SLC39A11: variants seen among roughly 807,000 people sequenced by gnomAD.
SLC39A11 encodes the protein zinc transporter ZIP11.
SLC39A11 carries 33 observed loss-of-function variants against 36.1 expected under a neutral mutation model. That is an observed-to-expected ratio of 0.91 (90% confidence interval 0.69 to 1.22). The LOEUF (loss-of-function observed/expected upper bound fraction) is 1.22. SLC39A11 is among the 50% of genes most tolerant of loss of function. The pLI is 0.00. For missense variants in SLC39A11, 432 were observed against 430.3 expected (o/e 1.00, Z -0.03); for synonymous variants, 166 against 170.3 (o/e 0.97, Z 0.20).
In SLC39A11 at chr17:72,820,334, G is replaced by A. The variant is rs539356336; in HGVS notation, c.601+29300C>T. 9.3e-5 allele frequency among the ~76,000 whole-genome samples: 14 copies of A among 151,230 alleles called. No homozygotes were observed. The South Asian group carries it at 2.3e-3, about 25-fold the overall frequency. The stretch of plus-strand genomic sequence containing the variant: ...ATGGAGCCCTGGTTTAAGTTCTTGC[G>A]ATGTCCCATCCTCATGAATACATTT... On this transcript the variant is annotated intron_variant, in intron 6 of 9. Transcript: ENST00000255559.
In SLC39A11 at chr17:72,756,931, C is replaced by G. The variant is rs568221952; in HGVS notation, c.602-20212G>C. Among the ~76,000 whole-genome samples the G allele has an allele frequency of 6.0e-5, 9 of 149,370 alleles. No homozygotes were observed. In the East Asian group the frequency reaches 1.8e-3, roughly 29 times the overall value. ...TTGGGAGACCGAGGCAGGTGGATCACGAGGTCAGGAGTTTGAGACCAGCTT... is the reference window on the plus strand; with the variant it reads ...TTGGGAGACCGAGGCAGGTGGATCAGGAGGTCAGGAGTTTGAGACCAGCTT... On this transcript the variant is annotated intron_variant, in intron 6 of 9. Coordinates refer to ENST00000255559, the MANE Select transcript of SLC39A11 (RefSeq NM_139177.4).
intron 7 of SLC39A11, among the ~76,000 whole-genome samples, chr17:72,720,676 T>C (rs1010578938): frequency 1.2e-4 from 18 of 152,182 alleles, no homozygotes; most frequent in Admixed American, 9.8e-4. Flanking sequence ...TCAGGGAGCT[T>C]TTCCTAGAGA....
intron 4 of SLC39A11, among the ~76,000 whole-genome samples, chr17:72,970,835 C>T (rs868673734): frequency 6.6e-6 from 1 of 152,232 alleles, no homozygotes; most frequent in Non-Finnish European, 1.5e-5. Flanking sequence ...CAGTGGAAAA[C>T]TTATTTCTCC....
chr17:72,979,324 C>T (rs1251765953), intron 4 of SLC39A11, among the ~76,000 whole-genome samples: 1 of 150,358 alleles, frequency 6.7e-6, no homozygotes, highest in African/African-American at 2.5e-5. Context: ...ATTACCCAGT[C>T]TTGGGCAGTT....
intron 5 of SLC39A11, among the ~76,000 whole-genome samples, chr17:72,896,177 T>C (rs114820258): frequency 0.011 from 1,597 of 150,286 alleles, 38 homozygotes; most frequent in African/African-American, 0.036. Flanking sequence ...CATTTGGGGA[T>C]TGTTCACATT....
intron 6 of SLC39A11, among the ~76,000 whole-genome samples, chr17:72,754,043 TATACACATACACACACACACACAC>T (rs2075272142): frequency 2.1e-5 from 1 of 47,722 alleles, no homozygotes; most frequent in African/African-American, 6.2e-5. Flanking sequence ...TATATATATA[TATACACATACACACACACACACAC>T]ACACACACAC....
chr17:72,980,485 T>G (rs1443692976), intron 4 of SLC39A11, among the ~76,000 whole-genome samples: 1 of 152,198 alleles, frequency 6.6e-6, no homozygotes, highest in Non-Finnish European at 1.5e-5. Flanking sequence ...CCTACGTTAA[T>G]GTAGAAATTT....
intron 6 of SLC39A11, among the ~76,000 whole-genome samples, chr17:72,821,064 T>C (rs1020476699): frequency 5.9e-5 from 9 of 151,270 alleles, no homozygotes; most frequent in African/African-American, 1.9e-4. Flanking sequence ...TCCAGATTAA[T>C]ATGTAGATGT....
chr17:72,687,398 C>A (rs895708986), intron 7 of SLC39A11, among the ~76,000 whole-genome samples: 1 of 152,196 alleles, frequency 6.6e-6, no homozygotes, highest in African/African-American at 2.4e-5. Flanking sequence ...CGCGTGCCAA[C>A]ACGCCCAGCT....
At chr17:72,874,573 C>T (rs1460847874) in intron 5 of SLC39A11, among the ~76,000 whole-genome samples, 6 of 152,166 alleles carry the variant, frequency 3.9e-5, no homozygotes, top group African/African-American at 1.4e-4. Context: ...AGGTGAACAG[C>T]CTGGTATAGG....
rs1338394787 is a variant in SLC39A11, at chr17:72,849,746, T to C, written c.489A>G (p.Pro163=). ...AAGGCACAGGGACAGCAGGACCCTCTGGAAGGCCAGTGGCTGCCGCCTTCT... is the reference window on the plus strand; with the variant it reads ...AAGGCACAGGGACAGCAGGACCCTCCGGAAGGCCAGTGGCTGCCGCCTTCT... ...QRKKAAATGL[P]EGPAVPVPSR... The change falls in exon 6 of 10, where the codon CCA becomes CCG. Residue 163 remains proline, a synonymous_variant. Transcript: ENST00000255559. 3.1e-6 allele frequency: 5 copies of C among 1,607,964 alleles called. No homozygotes were observed. The highest frequency in any genetic ancestry group is 4.2e-6 in the Non-Finnish European group (5 of 1,178,196).
chr17:72,922,960 C>CAAAAAAAAAAAAAAAAAAAAAA (rs10645750), intron 5 of SLC39A11, among the ~76,000 whole-genome samples: 5 of 44,070 alleles, frequency 1.1e-4, no homozygotes, highest in African/African-American at 2.2e-4. Flanking sequence ...GACTCCTTCT[C>CAAAAAAAAAAAAAAAAAAAAAA]AAAAAAAAAA....
chr17:72,817,005 A>C (rs951977276), intron 6 of SLC39A11, among the ~76,000 whole-genome samples: 1 of 152,070 alleles, frequency 6.6e-6, no homozygotes, highest in African/African-American at 2.4e-5. Flanking sequence ...TATTAGATGC[A>C]GTAATGGTTT....
At chr17:73,046,764 A>T (rs958131454) in intron 3 of SLC39A11, among the ~76,000 whole-genome samples, 15 of 151,916 alleles carry the variant, frequency 9.9e-5, no homozygotes, top group Non-Finnish European at 2.1e-4. Context: ...CAACATGGCA[A>T]AACCCCATCT....
Position 73,046,770 on chromosome 17 carries a change from C to T in SLC39A11, c.148-15056G>A, listed in dbSNP as rs570970276. On this transcript the variant is annotated intron_variant, in intron 3 of 9. Coordinates refer to ENST00000255559, the MANE Select transcript of SLC39A11 (RefSeq NM_139177.4). The stretch of plus-strand genomic sequence containing the variant: ...CAGCCTGGGCAACATGGCAAAACCC[C>T]ATCTCCACTAAAAGGCAAAAGTTAG... Among the ~76,000 whole-genome samples, 207 of 152,010 alleles carry T rather than the reference C, an allele frequency of 1.4e-3. 7 individuals are homozygous for T. In the South Asian group the frequency reaches 0.041, roughly 30 times the overall value.
intron 6 of SLC39A11, among the ~76,000 whole-genome samples, chr17:72,841,576 A>C (rs2880816): frequency 0.012 from 1,772 of 152,274 alleles, 40 homozygotes; most frequent in African/African-American, 0.035. Context: ...GTCGGGGGAA[A>C]GTAGTGATGG....
rs190518997 is a variant in SLC39A11 at position 72,774,477 on chromosome 17, T to G, written c.602-37758A>C. On this transcript the variant is annotated intron_variant, in intron 6 of 9. Coordinates refer to ENST00000255559, the MANE Select transcript of SLC39A11 (RefSeq NM_139177.4). ...ACCCGCGCTTCATTTTACAAAACAGTAGCTCCAGAGCAGCATGTAATTAAA... is the reference window on the plus strand; with the variant it reads ...ACCCGCGCTTCATTTTACAAAACAGGAGCTCCAGAGCAGCATGTAATTAAA... 4.2e-4 allele frequency among the ~76,000 whole-genome samples: 64 copies of G among 152,292 alleles called. No homozygotes were observed. In the East Asian group the frequency reaches 0.012, roughly 28 times the overall value.
chr17:73,087,414 T>A (rs1016152572), intron 2 of SLC39A11, among the ~76,000 whole-genome samples: 2 of 152,214 alleles, frequency 1.3e-5, no homozygotes, highest in African/African-American at 4.8e-5. Context: ...TCACAACATG[T>A]TGAACTAGAT....
At chr17:72,981,099 G>A (rs1158733654) in intron 4 of SLC39A11, among the ~76,000 whole-genome samples, 1 of 151,724 alleles carries the variant, frequency 6.6e-6, no homozygotes, top group African/African-American at 2.4e-5. Context: ...CCAAGGGGAA[G>A]GAAACAGGTG....
Sources: gnomAD v4.1 joint callset for allele counts (sites outside exome capture counted in the v4.1 genomes callset) on GRCh38, gnomAD v4.1.1 for gene constraint, MANE v1.5 for transcripts, NCBI Gene and HGNC (gene_info 2026-07-23, HGNC 2026-07-21) for gene names.